The following CSMD1 variants were observed in gnomAD, a reference collection of about 807,000 sequenced individuals.
CSMD1 encodes CUB and sushi domain-containing protein 1.
Under a neutral mutation model 417.5 loss-of-function variants are expected in CSMD1, and 213 were observed. The ratio of observed to expected loss-of-function variants is 0.51; its 90% CI spans 0.46 to 0.57. The LOEUF is 0.57. CSMD1 is among the 20% of genes least tolerant of loss of function. The probability of loss-of-function intolerance (pLI) is 0.00; values close to 1 mark genes in which losing one functional copy is unlikely to be tolerated. For synonymous variants in CSMD1, 2,862 were observed against 1,736.8 expected, an observed-to-expected ratio of 1.65 and a Z score of -16.11; for missense variants, 6,923 against 4,529.7, an observed-to-expected ratio of 1.53 and a Z score of -15.17.
At chr8:4,714,280 T>A (rs1320036246) in intron 1 of CSMD1, among the ~76,000 whole-genome samples, 1 of 152,174 alleles carries the variant, frequency 6.6e-6, no homozygotes, top group Admixed American at 6.5e-5. Flanking sequence ...AACAAACAGA[T>A]GCCATCTTTT....
chr8:2,966,608 G>A lies in CSMD1; in HGVS notation c.9062C>T (p.Ala3021Val). The stretch of plus-strand genomic sequence containing the variant: ...AGCAGTGCCTGTCCAGGTCCCATTG[G>A]CTGTGCAATGCCGTGTCATGAGCCC... Reference protein sequence around the residue: ...TSGLMTRHCTANGTWTGTAPD... With the variant: ...TSGLMTRHCTVNGTWTGTAPD... Residue 3021 changes from alanine (A) to valine (V), a missense_variant, in exon 58 of 70, where the codon GCC (alanine) becomes GTC (valine). Coordinates refer to ENST00000635120, the MANE Select transcript of CSMD1 (RefSeq NM_033225.6). 1 of 1,613,744 alleles carries A rather than the reference G, an allele frequency of 6.2e-7. No individual in the cohort carries two copies. The highest frequency in any genetic ancestry group is 8.5e-7 in the Non-Finnish European group (1 of 1,179,788).
At chr8:3,949,417 G>C (rs1434599829) in intron 5 of CSMD1, among the ~76,000 whole-genome samples, 4 of 152,120 alleles carry the variant, frequency 2.6e-5, no homozygotes, top group Non-Finnish European at 5.9e-5. Flanking sequence ...CTATCACATG[G>C]ATGAGGTATA....
At chr8:4,281,045 C>G (rs79790002) in intron 3 of CSMD1, among the ~76,000 whole-genome samples, 2,767 of 152,276 alleles carry the variant, frequency 0.018, 45 homozygotes, top group Non-Finnish European at 0.028. Flanking sequence ...CTTGGTCTCT[C>G]TGGCTTCATG....
chr8:4,665,004 TTTTA>T (rs1804826822), intron 1 of CSMD1, among the ~76,000 whole-genome samples: 1 of 152,208 alleles, frequency 6.6e-6, no homozygotes, highest in Non-Finnish European at 1.5e-5. Context: ...GTGTTCTTCA[TTTTA>T]TTATTACCAA....
At chr8:4,972,047 G>A (rs1002878257) in intron 1 of CSMD1, among the ~76,000 whole-genome samples, 3 of 152,066 alleles carry the variant, frequency 2.0e-5, no homozygotes, top group African/African-American at 4.8e-5. Context: ...TAGGGAAAAA[G>A]CCAAGGTGAA....
chr8:4,505,419 C>T (rs7828332), intron 2 of CSMD1, among the ~76,000 whole-genome samples: 37,871 of 152,006 alleles, frequency 0.25, 5,268 homozygotes, highest in East Asian at 0.42. Context: ...ATCAATAAAA[C>T]TTTGAAACAA....
intron 3 of CSMD1, among the ~76,000 whole-genome samples, chr8:4,306,592 C>T (rs890186147): frequency 1.3e-5 from 2 of 152,130 alleles, no homozygotes; most frequent in African/African-American, 2.4e-5. Context: ...ATTAAGCATC[C>T]TGATGCTTTC....
chr8:3,443,953 G>A (rs189194711), intron 12 of CSMD1, among the ~76,000 whole-genome samples: 3 of 152,244 alleles, frequency 2.0e-5, no homozygotes, highest in African/African-American at 4.8e-5. Flanking sequence ...GTTACTGAGA[G>A]CGGGGACACT....
At chr8:4,083,714 G>C (rs1338329370) in intron 3 of CSMD1, among the ~76,000 whole-genome samples, 2 of 152,032 alleles carry the variant, frequency 1.3e-5, no homozygotes, top group Admixed American at 6.6e-5. Context: ...AGACTTAAAC[G>C]TTAGACCTAA....
At chr8:3,871,581 A>T (rs1805485055) in intron 5 of CSMD1, among the ~76,000 whole-genome samples, 1 of 152,140 alleles carries the variant, frequency 6.6e-6, no homozygotes, top group Non-Finnish European at 1.5e-5. Flanking sequence ...CATAATTTTT[A>T]TATATTAGGA....
rs529064572 is a variant in CSMD1, at chr8:3,284,460, C to T, written c.3951-114G>A. On this transcript the variant is annotated intron_variant, in intron 25 of 69. Transcript: ENST00000635120. ...TCACACAACCCCCACCAACATGTGCCTCGGTACTTACTGTCTGACAATGAA... is the reference window on the plus strand; with the variant it reads ...TCACACAACCCCCACCAACATGTGCTTCGGTACTTACTGTCTGACAATGAA... 8.3e-6 allele frequency: 6 copies of T among 722,394 alleles called. No homozygotes were observed. The East Asian group carries it at 1.6e-4, about 19-fold the overall frequency. The allele number at this position is 722,394 out of a possible 1,614,324, so 44.7% of individuals were successfully genotyped here. A position where few individuals can be genotyped will look rare whatever the true frequency, so the allele number is the denominator to read the frequency against.
intron 21 of CSMD1, among the ~76,000 whole-genome samples, chr8:3,357,107 G>A (rs1027235927): frequency 4.6e-5 from 7 of 152,118 alleles, no homozygotes; most frequent in Non-Finnish European, 1.0e-4. Context: ...GAATCCTCCA[G>A]AGCTAGGACA....
At chr8:3,695,543 A>G (rs1366432087) in intron 7 of CSMD1, among the ~76,000 whole-genome samples, 3 of 152,154 alleles carry the variant, frequency 2.0e-5, no homozygotes, top group Non-Finnish European at 4.4e-5. Context: ...AATATTTGCT[A>G]ATTGCTTTCC....
chr8:4,758,178 C>T (rs1811793868), intron 1 of CSMD1, among the ~76,000 whole-genome samples: 1 of 152,018 alleles, frequency 6.6e-6, no homozygotes, highest in Admixed American at 6.6e-5. Flanking sequence ...TTTGCATTTC[C>T]TTCTGATAAC....
chr8:3,012,810 G>C (rs1808504109), intron 52 of CSMD1, among the ~76,000 whole-genome samples: 1 of 152,154 alleles, frequency 6.6e-6, no homozygotes, highest in East Asian at 1.9e-4. Context: ...TGCTTCATAT[G>C]ATTGGCTGTG....
intron 2 of CSMD1, among the ~76,000 whole-genome samples, chr8:4,547,146 G>T (rs1404701290): frequency 1.3e-5 from 2 of 152,078 alleles, no homozygotes; most frequent in African/African-American, 4.8e-5. Context: ...TATTTCATCA[G>T]ACCTGCTGTT....
intron 2 of CSMD1, among the ~76,000 whole-genome samples, chr8:4,579,570 G>C (rs950187205): frequency 1.3e-5 from 2 of 152,052 alleles, no homozygotes; most frequent in African/African-American, 4.8e-5. Context: ...CAGCATGTTA[G>C]CCAGGCTGGT....
intron 5 of CSMD1, among the ~76,000 whole-genome samples, chr8:3,969,319 G>A (rs150199177): frequency 1.5e-3 from 229 of 152,226 alleles, no homozygotes; most frequent in African/African-American, 5.1e-3. Context: ...GGCTTCCCAG[G>A]CCCATGCTCT....
intron 5 of CSMD1, among the ~76,000 whole-genome samples, chr8:3,891,059 A>G (rs1007794836): frequency 4.0e-5 from 6 of 149,864 alleles, no homozygotes; most frequent in Admixed American, 6.6e-5. Context: ...GTTTTATTTT[A>G]TTATTTTGAG....
Sources: allele counts gnomAD v4.1 joint callset (sites outside exome capture counted in the v4.1 genomes callset), GRCh38; gene constraint gnomAD v4.1.1; transcripts MANE v1.5; gene names NCBI Gene and HGNC (gene_info 2026-07-23, HGNC 2026-07-21).